The following FAM135B variants were observed in gnomAD, a reference collection of about 807,000 sequenced individuals.
FAM135B encodes the protein protein FAM135B.
Under a neutral mutation model 127.7 loss-of-function variants are expected in FAM135B, and 43 were observed. That is an observed-to-expected ratio of 0.34 (90% CI 0.26 to 0.43). The LOEUF (loss-of-function observed/expected upper bound fraction) is 0.43, where lower values mean the gene tolerates loss of function less well. FAM135B is among the 20% of genes least tolerant of loss of function. The pLI, the probability that FAM135B is intolerant of heterozygous loss-of-function variation, is 1.00. For synonymous variants in FAM135B, 670 were observed against 665.1 expected (o/e 1.01, Z -0.11); for missense variants, 1,558 against 1,725.6 (o/e 0.90, Z 1.72).
At chr8:138,453,124 T>TA (rs1391840515) in intron 1 of FAM135B, among the ~76,000 whole-genome samples, 1 of 151,924 alleles carries the variant, frequency 6.6e-6, no homozygotes, top group Non-Finnish European at 1.5e-5. Flanking sequence ...CACTCAGAAG[T>TA]AAAAAATGAG....
chr8:138,434,112 A>T (rs1835342326), intron 1 of FAM135B, among the ~76,000 whole-genome samples: 1 of 152,214 alleles, frequency 6.6e-6, no homozygotes, highest in Admixed American at 6.5e-5. Flanking sequence ...CACAAGGACA[A>T]AATATTATTA....
At chr8:138,224,990 T>C (rs778542187) in intron 7 of FAM135B, among the ~76,000 whole-genome samples, 3 of 152,184 alleles carry the variant, frequency 2.0e-5, no homozygotes, top group Non-Finnish European at 2.9e-5. Context: ...AAGTTTCAGT[T>C]AGCCTGAAGG....
rs1444687794 is a variant in FAM135B at position 138,132,711 on chromosome 8, T to A, written c.4103A>T (p.His1368Leu). 6.2e-7 allele frequency: 1 copy of A among 1,614,192 alleles called. No homozygotes were observed. The highest frequency in any genetic ancestry group is 1.1e-5 in the South Asian group (1 of 91,080). The change falls in exon 20 of 20, where the codon CAC becomes CTC. Residue 1368 changes from histidine to leucine, a missense_variant. Around this residue, in one of 5 missense-constraint regions of FAM135B, gnomAD observed 194 missense variants for 333.8 expected, o/e 0.58. Transcript: ENST00000395297. The surrounding 1 kb of genome is among the most constrained non-coding windows in gnomAD (Gnocchi z 4.5). ...GGTGTTGGCAGTGTTGGGCAGGGCGTGGAACACGTTGTGTCGGATTAAAGT... is the reference window on the plus strand; with the variant it reads ...GGTGTTGGCAGTGTTGGGCAGGGCGAGGAACACGTTGTGTCGGATTAAAGT... ...DCTLIRHNVFHALPNTANTLI... is the reference protein window; with the variant it reads ...DCTLIRHNVFLALPNTANTLI...
At chr8:138,293,461 G>A (rs1825263338) in intron 3 of FAM135B, among the ~76,000 whole-genome samples, 1 of 151,996 alleles carries the variant, frequency 6.6e-6, no homozygotes, top group East Asian at 1.9e-4. Context: ...AAAGTAAACA[G>A]ACAACTTACA....
rs1037610760 is a variant in FAM135B, at chr8:138,353,063, C to G, written c.77+14844G>C. ...ACACTTCAGCCAAATGATGTTCTGA[C>G]CCATATCCGATCACATCACTCCCCT... On this transcript the variant is annotated intron_variant, in intron 2 of 19. Transcript: ENST00000395297. Among the ~76,000 whole-genome samples, 3 of 152,298 alleles carry G rather than the reference C, an allele frequency of 2.0e-5. No individual in the cohort carries two copies. In the South Asian group the frequency reaches 6.2e-4, roughly 32 times the overall value.
In FAM135B at chr8:138,186,596, C is replaced by T. The variant is rs150774285; in HGVS notation, c.874-7906G>A. Among the ~76,000 whole-genome samples, 972 of 152,160 alleles carry T rather than the reference C, an allele frequency of 6.4e-3. 10 individuals carry two copies. The highest frequency in any genetic ancestry group is 0.021 in the African/African-American group (891 of 41,536). On this transcript the variant is annotated intron_variant, in intron 9 of 19. Transcript: ENST00000395297. ...ATTCTTTACCAAACCAAGGAGTAGG[C>T]GGAAGCACACCCCCATACACCCTTT...
chr8:138,377,090 GA>G (rs1377536106), intron 1 of FAM135B, among the ~76,000 whole-genome samples: 1 of 152,138 alleles, frequency 6.6e-6, no homozygotes, highest in Non-Finnish European at 1.5e-5. Context: ...TTTTGCTTGG[GA>G]AAAAATTATT....
intron 1 of FAM135B, chr8:138,438,507 G>A (rs1016395033): frequency 1.3e-5 from 2 of 152,140 alleles, no homozygotes; most frequent in Admixed American, 1.3e-4. Flanking sequence ...ACAGAGCTAG[G>A]CAGTAGTTAA....
intron 2 of FAM135B, among the ~76,000 whole-genome samples, chr8:138,344,577 C>CTTTCTTTTT (rs1488668233): frequency 1.3e-4 from 11 of 83,944 alleles, no homozygotes; most frequent in Admixed American, 5.0e-4. Flanking sequence ...TTCTTTCTTT[C>CTTTCTTTTT]TTTTTTTTTT....
chr8:138,282,589 C>A (rs1824347844), intron 3 of FAM135B, among the ~76,000 whole-genome samples: 1 of 152,226 alleles, frequency 6.6e-6, no homozygotes, highest in Non-Finnish European at 1.5e-5. Flanking sequence ...TATTCCACAT[C>A]ATATGTCATC....
At position 138,243,895 on chromosome 8, in the gene FAM135B, T is replaced by C. The variant is rs116999143; in HGVS notation, c.543-827A>G. On this transcript the variant is annotated intron_variant, in intron 6 of 19. Coordinates refer to ENST00000395297, the MANE Select transcript of FAM135B (RefSeq NM_015912.4). This position sits in a 1 kb window ranked among gnomAD's most constrained non-coding sequence, Gnocchi z 7.5. ...ATGTTTTGTCATATTGTGGATACTA[T>C]ATTCTAGGCATGTTTTAGTCCCTCA... Among the ~76,000 whole-genome samples the C allele has an allele frequency of 7.5e-3, 1,140 of 152,312 alleles. 9 individuals carry two copies. Among genetic ancestry groups the C allele is most frequent in the Middle Eastern group, 0.02 (6 of 294 alleles).
intron 2 of FAM135B, among the ~76,000 whole-genome samples, chr8:138,337,937 C>A (rs536473628): frequency 1.3e-5 from 2 of 151,704 alleles, no homozygotes; most frequent in Non-Finnish European, 1.5e-5. Context: ...CAGAAGAGAG[C>A]CCTCAGAAAT....
At chr8:138,233,217 C>A (rs1364005867) in intron 7 of FAM135B, among the ~76,000 whole-genome samples, 1 of 152,150 alleles carries the variant, frequency 6.6e-6, no homozygotes, top group African/African-American at 2.4e-5. Flanking sequence ...ATGGTAACAG[C>A]ATAAAAGCAG....
At chr8:138,205,506 A>T (rs1242247958) in intron 7 of FAM135B, among the ~76,000 whole-genome samples, 1 of 152,142 alleles carries the variant, frequency 6.6e-6, no homozygotes, top group Non-Finnish European at 1.5e-5. Context: ...AGAAAAGCAA[A>T]GCCTCTTGTG....
In FAM135B at chr8:138,242,223, T is replaced by C. The variant is rs1341307585; in HGVS notation, c.669+719A>G. Among the ~76,000 whole-genome samples the C allele has an allele frequency of 2.1e-5, 3 of 143,234 alleles. No homozygotes were observed. Among genetic ancestry groups the C allele is most frequent in the East Asian group, 4.1e-4 (2 of 4,914 alleles). The allele number at this position is 143,234 out of a possible 152,430, so 94.0% of individuals were successfully genotyped here. On this transcript the variant is annotated intron_variant, in intron 7 of 19. Transcript: ENST00000395297. The surrounding 1 kb of genome is among the most constrained non-coding windows in gnomAD (Gnocchi z 9.6). ...TGTGTGTGTGTGTGTGTGTGTTCTA[T>C]TGGCTGTATTGGTCCTGTTTCTCTG...
chr8:138,423,424 T>C (rs981323173), intron 1 of FAM135B, among the ~76,000 whole-genome samples: 1 of 151,866 alleles, frequency 6.6e-6, no homozygotes, highest in Non-Finnish European at 1.5e-5. Flanking sequence ...AGGGACAGAG[T>C]ACAAAAGAGA....
At chr8:138,311,227 G>A (rs994469724) in intron 2 of FAM135B, among the ~76,000 whole-genome samples, 1 of 152,150 alleles carries the variant, frequency 6.6e-6, no homozygotes, top group African/African-American at 2.4e-5. Context: ...AGAGGTGTGG[G>A]TTTTATTTAG....
intron 2 of FAM135B, among the ~76,000 whole-genome samples, chr8:138,361,491 A>C (rs1830416924): frequency 1.3e-5 from 2 of 152,218 alleles, no homozygotes; most frequent in African/African-American, 4.8e-5. Flanking sequence ...ATGCAAAGTC[A>C]AATAAGATCA....
chr8:138,487,123 T>C (rs1278902574), intron 1 of FAM135B, among the ~76,000 whole-genome samples: 1 of 152,192 alleles, frequency 6.6e-6, no homozygotes, highest in Non-Finnish European at 1.5e-5. Context: ...CAAACCAAAG[T>C]CTGCCTCACT....
Sources: gnomAD v4.1 joint callset for allele counts (sites outside exome capture counted in the v4.1 genomes callset) on GRCh38, gnomAD v4.1.1 for gene constraint, gnomAD v4.1.1 regional missense constraint, Gnocchi (gnomAD v3.1) non-coding constraint, MANE v1.5 for transcripts, NCBI Gene and HGNC (gene_info 2026-07-23, HGNC 2026-07-21) for gene names.